Variants in STOX1 observed in about 807,000 individuals in gnomAD.
STOX1 encodes storkhead-box protein 1.
In STOX1, 57 loss-of-function variants were observed where a neutral mutation model predicts 74.8. That is an observed-to-expected ratio of 0.76 (90% CI 0.62 to 0.95). The LOEUF is 0.95. Ranked by LOEUF, STOX1 falls within the 40% of genes least tolerant of loss-of-function variation. The pLI, the probability that STOX1 is intolerant of heterozygous loss-of-function variation, is 0.00. For synonymous variants in STOX1, 375 were observed against 401.3 expected (o/e 0.93, Z 0.78); for missense variants, 1,010 against 1,117.0 (o/e 0.90, Z 1.37).
chr10:68,837,323 G>A (rs1371410910), intron 1 of STOX1, among the ~76,000 whole-genome samples: 1 of 152,182 alleles, frequency 6.6e-6, no homozygotes, highest in Non-Finnish European at 1.5e-5. Flanking sequence ...AGTGGGGCAT[G>A]TGTCCCGGTT....
intron 1 of STOX1, among the ~76,000 whole-genome samples, chr10:68,880,327 C>T (rs1429737517): frequency 2.0e-5 from 3 of 151,958 alleles, no homozygotes; most frequent in Non-Finnish European, 4.4e-5. Flanking sequence ...GACAGGCACA[C>T]CACCATCCTG....
intron 1 of STOX1, chr10:68,828,322 A>G (rs2133475484): frequency 2.7e-6 from 3 of 1,095,682 alleles, no homozygotes; most frequent in Non-Finnish European, 2.2e-6. Context: ...GTGAGCGCGG[A>G]GCTCCGCGCT....
intron 1 of STOX1, among the ~76,000 whole-genome samples, chr10:68,861,157 C>G (rs1431883682): frequency 3.3e-5 from 5 of 152,066 alleles, no homozygotes; most frequent in African/African-American, 1.2e-4. Flanking sequence ...GACACAGACA[C>G]AGAAGTAGAG....
At chr10:68,867,303 G>C (rs1840434468) in intron 1 of STOX1, among the ~76,000 whole-genome samples, 1 of 152,118 alleles carries the variant, frequency 6.6e-6, no homozygotes, top group Non-Finnish European at 1.5e-5. Flanking sequence ...TTGACAGCCT[G>C]TTTAAACTCT....
intron 1 of STOX1, among the ~76,000 whole-genome samples, chr10:68,859,617 T>G (rs956213695): frequency 1.3e-5 from 2 of 152,106 alleles, no homozygotes; most frequent in Non-Finnish European, 2.9e-5. Flanking sequence ...GACAAATGTT[T>G]TGCTCACAGC....
intron 1 of STOX1, among the ~76,000 whole-genome samples, chr10:68,848,593 G>T (rs34506003): frequency 0.084 from 12,860 of 152,230 alleles, 728 homozygotes; most frequent in Admixed American, 0.16. Flanking sequence ...AGGATTAAAT[G>T]AAACAATACA....
At chr10:68,833,211 G>A (rs971299526) in intron 1 of STOX1, among the ~76,000 whole-genome samples, 8 of 150,328 alleles carry the variant, frequency 5.3e-5, no homozygotes, top group Non-Finnish European at 8.8e-5. Flanking sequence ...TCAGCCTCCC[G>A]AGTAGCTGGG....
chr10:68,830,341 T>C (rs2133480582), intron 1 of STOX1, among the ~76,000 whole-genome samples: 1 of 152,180 alleles, frequency 6.6e-6, no homozygotes, highest in East Asian at 1.9e-4. Context: ...TTGTTTTTAA[T>C]TTAATTTAAT....
chr10:68,870,378 T>C (rs753626118), intron 1 of STOX1, among the ~76,000 whole-genome samples: 2 of 152,190 alleles, frequency 1.3e-5, no homozygotes, highest in Non-Finnish European at 2.9e-5. Flanking sequence ...TAGGGACATA[T>C]AGGTACTACA....
rs923690772 is a variant in STOX1 at position 68,851,456 on chromosome 10, G to A, written c.310+23523G>A. 4.3e-4 allele frequency among the ~76,000 whole-genome samples: 65 copies of A among 152,032 alleles called. 4 individuals carry two copies. The highest frequency in any genetic ancestry group is 2.9e-5 in the Non-Finnish European group (2 of 68,014). On this transcript the variant is annotated intron_variant, in intron 1 of 3. Coordinates refer to ENST00000298596, the MANE Select transcript of STOX1 (RefSeq NM_152709.5). ...AATCATTAAACTTATAAATATTTAA[G>A]GTGATGGATATCCTAATTACCCTGA...
intron 1 of STOX1, among the ~76,000 whole-genome samples, chr10:68,870,858 A>T (rs1840520216): frequency 6.6e-6 from 1 of 152,182 alleles, no homozygotes. Context: ...CCTAAATGAG[A>T]GTGAAAACAT....
At chr10:68,835,707 C>G (rs1439811448) in intron 1 of STOX1, among the ~76,000 whole-genome samples, 1 of 152,194 alleles carries the variant, frequency 6.6e-6, no homozygotes, top group Non-Finnish European at 1.5e-5. Context: ...ATGCATTGGG[C>G]CTTTTCGATA....
chr10:68,857,004 C>T (rs966720960), intron 1 of STOX1, among the ~76,000 whole-genome samples: 3 of 152,104 alleles, frequency 2.0e-5, no homozygotes, highest in African/African-American at 2.4e-5. Context: ...CTGTCTCTTC[C>T]AGTAAACCAG....
In STOX1 at chr10:68,885,679, T is replaced by G. The variant is rs375412611; in HGVS notation, c.1883T>G (p.Phe628Cys). Residue 628 changes from phenylalanine (F) to cysteine (C), a missense_variant, in exon 3 of 4, where the codon TTT becomes TGT. Phe to Cys is a radical substitution (Grantham distance 205). Coordinates refer to ENST00000298596, the MANE Select transcript of STOX1 (RefSeq NM_152709.5). ...PEVLRKSHSH[F>C]DKLGETKQTP... ...GTCTTGAGGAAAAGTCATTCCCACT[T>G]TGACAAATTAGGGGAGACCAAACAG... 2.2e-5 allele frequency: 35 copies of G among 1,614,010 alleles called. No homozygotes were observed. Among genetic ancestry groups the G allele is most frequent in the Non-Finnish European group, 2.9e-5 (34 of 1,180,042 alleles).
Position 68,886,031 on chromosome 10 carries a change from T to C in STOX1, c.2235T>C (p.Asn745=). 6.2e-7 allele frequency: 1 copy of C among 1,614,236 alleles called. No homozygotes were observed. Among genetic ancestry groups the C allele is most frequent in the South Asian group, 1.1e-5 (1 of 91,082 alleles). The change falls in exon 3 of 4, where the codon AAT becomes AAC. Residue 745 remains asparagine (N), a synonymous_variant. Coordinates refer to ENST00000298596, the MANE Select transcript of STOX1 (RefSeq NM_152709.5). The part of the protein sequence containing the change: ...LYLEEDDISE[N]DDLRQMLPGH... Reference sequence around the variant, plus strand: ...TAGAGGAGGATGACATTTCTGAGAATGACGACTTACGTCAAATGCTGCCTG... The same window carrying C: ...TAGAGGAGGATGACATTTCTGAGAACGACGACTTACGTCAAATGCTGCCTG...
rs1214744264 is a variant in STOX1, at chr10:68,861,399, C to G, written c.311-20559C>G. ...TGCCATTGTTTGTGGTTTAGGAACA[C>G]CTTGAGTGGTTTTCCACCCTGGGTG... On this transcript the variant is annotated intron_variant, in intron 1 of 3. Coordinates refer to ENST00000298596, the MANE Select transcript of STOX1 (RefSeq NM_152709.5). Among the ~76,000 whole-genome samples, 2 of 152,168 alleles carry G rather than the reference C, an allele frequency of 1.3e-5. 1 individual carries two copies. The highest frequency in any genetic ancestry group is 4.8e-5 in the African/African-American group (2 of 41,394).
intron 1 of STOX1, among the ~76,000 whole-genome samples, chr10:68,844,041 G>A (rs1182983670): frequency 3.3e-5 from 5 of 151,798 alleles, no homozygotes; most frequent in Non-Finnish European, 5.9e-5. Context: ...TTAGCCAGGC[G>A]TGGTGGTGGG....
intron 1 of STOX1, among the ~76,000 whole-genome samples, chr10:68,841,271 C>T (rs924493847): frequency 1.3e-5 from 2 of 152,050 alleles, no homozygotes; most frequent in Non-Finnish European, 2.9e-5. Flanking sequence ...ATATATATTA[C>T]TTTTAGTACC....
chr10:68,836,908 C>G (rs917570361), intron 1 of STOX1, among the ~76,000 whole-genome samples: 3 of 152,214 alleles, frequency 2.0e-5, no homozygotes, highest in Non-Finnish European at 2.9e-5. Context: ...ATACCTTCCT[C>G]TTAGTACTGC....
Sources: allele counts gnomAD v4.1 joint callset (sites outside exome capture counted in the v4.1 genomes callset), GRCh38; gene constraint gnomAD v4.1.1; transcripts MANE v1.5; gene names NCBI Gene and HGNC (gene_info 2026-07-23, HGNC 2026-07-21).